The following DMRT1 variants were observed in gnomAD, a reference collection of about 807,000 sequenced individuals.
DMRT1 encodes doublesex- and mab-3-related transcription factor 1.
A neutral mutation model predicts 32.3 loss-of-function variants in DMRT1; 7 were observed. That is an observed-to-expected ratio of 0.22 (90% CI 0.12 to 0.41). The LOEUF (loss-of-function observed/expected upper bound fraction) is 0.41, where lower values mean the gene tolerates loss of function less well. Ranked by LOEUF, DMRT1 falls within the 10% of genes least tolerant of loss-of-function variation. DMRT1 has a pLI of 1.00. For missense variants in DMRT1, 625 were observed against 500.5 expected, an observed-to-expected ratio of 1.25 and a Z score of -2.37; for synonymous variants, 278 against 206.1, an observed-to-expected ratio of 1.35 and a Z score of -2.99.
chr9:962,971 T>A (rs781571862), intron 4 of DMRT1, among the ~76,000 whole-genome samples: 11 of 152,170 alleles, frequency 7.2e-5, no homozygotes, highest in Non-Finnish European at 1.5e-4. Flanking sequence ...CTTTTGAGAG[T>A]TAAAAAATTG....
intron 2 of DMRT1, among the ~76,000 whole-genome samples, chr9:877,261 C>G (rs1816542768): frequency 6.6e-6 from 1 of 152,134 alleles, no homozygotes; most frequent in Non-Finnish European, 1.5e-5. Context: ...ATTGAGTGGT[C>G]TCGTTCCCAG....
intron 2 of DMRT1, among the ~76,000 whole-genome samples, chr9:873,084 A>G (rs1816342765): frequency 6.6e-6 from 1 of 152,222 alleles, no homozygotes; most frequent in Non-Finnish European, 1.5e-5. Context: ...TCAAGGTGAC[A>G]TCTAAAATTA....
At chr9:851,857 T>G (rs190727176) in intron 2 of DMRT1, among the ~76,000 whole-genome samples, 5 of 152,286 alleles carry the variant, frequency 3.3e-5, no homozygotes, top group African/African-American at 1.2e-4. Flanking sequence ...TGGATATTAC[T>G]GTGGAAAGAA....
chr9:868,261 G>C (rs1436201771), intron 2 of DMRT1, among the ~76,000 whole-genome samples: 2 of 152,180 alleles, frequency 1.3e-5, no homozygotes, highest in Admixed American at 1.3e-4. Flanking sequence ...TTACAGGCGT[G>C]ACCACTGCAC....
At chr9:911,444 G>A (rs1381074265) in intron 3 of DMRT1, among the ~76,000 whole-genome samples, 1 of 127,664 alleles carries the variant, frequency 7.8e-6, no homozygotes, top group Admixed American at 8.3e-5. Context: ...ATTGCATTCT[G>A]CCATGCCTTT....
chr9:843,390 A>T (rs527668476), intron 1 of DMRT1, among the ~76,000 whole-genome samples: 2 of 152,236 alleles, frequency 1.3e-5, no homozygotes, highest in African/African-American at 2.4e-5. Flanking sequence ...GAGCTCTGGA[A>T]ATTTTATTAG....
At chr9:948,903 A>AAAT (rs57959311) in intron 4 of DMRT1, among the ~76,000 whole-genome samples, 9,044 of 137,624 alleles carry the variant, frequency 0.066, 410 homozygotes, top group African/African-American at 0.13. Context: ...TAAAAATACA[A>AAAT]AATAATAATA....
chr9:930,979 T>C (rs924294761), intron 4 of DMRT1, among the ~76,000 whole-genome samples: 1 of 152,148 alleles, frequency 6.6e-6, no homozygotes, highest in Admixed American at 6.6e-5. Context: ...TCCAAAACAT[T>C]TCCATCATCC....
At chr9:847,957 T>A (rs1291896314) in intron 2 of DMRT1, among the ~76,000 whole-genome samples, 2 of 152,240 alleles carry the variant, frequency 1.3e-5, no homozygotes, top group African/African-American at 4.8e-5. Flanking sequence ...TGCATTGCTG[T>A]CTCTTAGAAA....
At chr9:950,587 T>A (rs73380475) in intron 4 of DMRT1, among the ~76,000 whole-genome samples, 4,960 of 152,258 alleles carry the variant, frequency 0.033, 281 homozygotes, top group African/African-American at 0.11. Context: ...GCTCAACGAA[T>A]GATAGTAATT....
At chr9:927,212 C>T (rs1415346604) in intron 4 of DMRT1, among the ~76,000 whole-genome samples, 2 of 152,120 alleles carry the variant, frequency 1.3e-5, no homozygotes, top group East Asian at 3.9e-4. Context: ...TGCTGTCCTT[C>T]TTTCGGCCGG....
chr9:938,615 T>G (rs976933063), intron 4 of DMRT1, among the ~76,000 whole-genome samples: 1 of 152,234 alleles, frequency 6.6e-6, no homozygotes, highest in African/African-American at 2.4e-5. Flanking sequence ...CCTGCAACTT[T>G]GCTGAATTTA....
intron 2 of DMRT1, among the ~76,000 whole-genome samples, chr9:886,246 GTTT>G (rs974198605): frequency 6.6e-5 from 10 of 152,022 alleles, no homozygotes; most frequent in African/African-American, 2.2e-4. Context: ...AGCCAACTGT[GTTT>G]TTTTGTTTGT....
chr9:929,994 G>A (rs1209512983), intron 4 of DMRT1, among the ~76,000 whole-genome samples: 1 of 152,136 alleles, frequency 6.6e-6, no homozygotes, highest in African/African-American at 2.4e-5. Context: ...GCTTCTGTAT[G>A]CTGTGGAATG....
intron 4 of DMRT1, among the ~76,000 whole-genome samples, chr9:949,399 CT>C (rs1185368470): frequency 6.6e-6 from 1 of 151,962 alleles, no homozygotes; most frequent in Non-Finnish European, 1.5e-5. Flanking sequence ...CCACAAAAAA[CT>C]TTTCTGAAGT....
At chr9:865,676 A>G (rs1034484618) in intron 2 of DMRT1, among the ~76,000 whole-genome samples, 3 of 152,158 alleles carry the variant, frequency 2.0e-5, no homozygotes, top group Non-Finnish European at 4.4e-5. Flanking sequence ...TGAGGATTAC[A>G]TAACCCATCA....
Position 968,367 on chromosome 9 carries a change from A to G in DMRT1, c.*228A>G. 1.9e-6 allele frequency: 1 copy of G among 525,314 alleles called. No homozygotes were observed. Among genetic ancestry groups the G allele is most frequent in the Non-Finnish European group, 3.4e-6 (1 of 295,136 alleles). The allele number at this position is 525,314 out of a possible 1,614,324, so 32.5% of individuals were successfully genotyped here. On this transcript the variant is annotated 3_prime_UTR_variant, in exon 5 of 5. Transcript: ENST00000382276. Reference sequence around the variant, plus strand: ...GCTTTACTCACGGAGTTTAAATAATAGTGTTCATTTTTTTAATGACACTGG... The same window carrying G: ...GCTTTACTCACGGAGTTTAAATAATGGTGTTCATTTTTTTAATGACACTGG...
intron 4 of DMRT1, among the ~76,000 whole-genome samples, chr9:942,661 T>A (rs574767491): frequency 2.0e-5 from 3 of 152,192 alleles, no homozygotes; most frequent in Non-Finnish European, 2.9e-5. Flanking sequence ...GAGGTACATC[T>A]CAAGTTTATT....
chr9:911,505 T>G (rs564648248), intron 3 of DMRT1, among the ~76,000 whole-genome samples: 2,234 of 109,466 alleles, frequency 0.02, 147 homozygotes, highest in African/African-American at 0.077. Context: ...TTTTTTTTTT[T>G]TTTTTTAGAT....
Sources: allele counts gnomAD v4.1 joint callset (sites outside exome capture counted in the v4.1 genomes callset), GRCh38; gene constraint gnomAD v4.1.1; transcripts MANE v1.5; gene names NCBI Gene and HGNC (gene_info 2026-07-23, HGNC 2026-07-21).